The following HLF variants were observed in gnomAD, a reference collection of about 807,000 sequenced individuals.
HLF encodes the protein HLF transcription factor, PAR bZIP family member, also known as hepatic leukemia factor.
Under a neutral mutation model 22.6 loss-of-function variants are expected in HLF, and 3 were observed. The ratio of observed to expected loss-of-function variants is 0.13; its 90% CI spans 0.06 to 0.34. HLF has a LOEUF of 0.34. Ranked by LOEUF, HLF falls within the 10% of genes least tolerant of loss-of-function variation. The pLI, the probability that HLF is intolerant of heterozygous loss-of-function variation, is 1.00. For synonymous variants in HLF, 151 were observed against 151.8 expected (o/e 0.99, Z 0.04); for missense variants, 299 against 389.2 (o/e 0.77, Z 1.95).
Position 55,265,471 on chromosome 17 carries a change from T to C in HLF, c.-14T>C, listed in dbSNP as rs773596831. The C allele has an allele frequency of 6.1e-6, 9 of 1,483,510 alleles. No homozygotes were observed. The South Asian group carries it at 6.8e-5, about 11-fold the overall frequency. 91.9% of individuals were successfully genotyped at this position (1,483,510 alleles called of 1,614,324 possible). On this transcript the variant is annotated 5_prime_UTR_variant, in exon 1 of 4. Transcript: ENST00000226067. The stretch of plus-strand genomic sequence containing the variant: ...ATTTCTTTTTTTAAGGGGAAAAAAT[T>C]TGAGTGCATCGCGATGGAGAAAATG...
chr17:55,321,369 G>T lies in HLF; in HGVS notation c.*490G>T, dbSNP rs1397289115. On this transcript the variant is annotated 3_prime_UTR_variant, in exon 4 of 4. Transcript: ENST00000226067. ...AGTCCGTAAGTTACCATGCTAATGA[G>T]GTGCACACAATAACTTAGCACTACT... 4.2e-6 allele frequency: 1 copy of T among 238,170 alleles called. No homozygotes were observed. The highest frequency in any genetic ancestry group is 8.3e-6 in the Non-Finnish European group (1 of 120,678). 14.8% of individuals were successfully genotyped at this position (238,170 alleles called of 1,614,324 possible).
chr17:55,306,143 C>T lies in HLF; in HGVS notation c.452-9084C>T, dbSNP rs140403906. 5.1e-3 allele frequency among the ~76,000 whole-genome samples: 772 copies of T among 152,104 alleles called. 8 individuals carry two copies. The highest frequency in any genetic ancestry group is 0.018 in the African/African-American group (749 of 41,466). On this transcript the variant is annotated intron_variant, in intron 2 of 3. Coordinates refer to ENST00000226067, the MANE Select transcript of HLF (RefSeq NM_002126.5). ...GGCCAAGGTGGGAGCATTGTTTGAGCCCAGGAGTTCAAGGTTTCAGTGAAC... is the reference window on the plus strand; with the variant it reads ...GGCCAAGGTGGGAGCATTGTTTGAGTCCAGGAGTTCAAGGTTTCAGTGAAC...
intron 2 of HLF, among the ~76,000 whole-genome samples, chr17:55,307,145 G>A (rs966168887): frequency 2.2e-4 from 29 of 134,612 alleles, no homozygotes; most frequent in African/African-American, 8.2e-4. Context: ...CCTCTCAGCG[G>A]CCTTTTTTTT....
At chr17:55,304,635 C>T (rs568448798) in intron 2 of HLF, among the ~76,000 whole-genome samples, 3 of 152,272 alleles carry the variant, frequency 2.0e-5, no homozygotes, top group South Asian at 2.1e-4. Context: ...GATCCCAGGG[C>T]GATGTGCTGT....
chr17:55,311,209 T>C (rs1166993536), intron 2 of HLF, among the ~76,000 whole-genome samples: 1 of 152,154 alleles, frequency 6.6e-6, no homozygotes, highest in Non-Finnish European at 1.5e-5. Flanking sequence ...ACATGCAAGA[T>C]GTTCAGTGTC....
At chr17:55,289,864 A>T (rs1031781066) in intron 2 of HLF, among the ~76,000 whole-genome samples, 1 of 152,124 alleles carries the variant, frequency 6.6e-6, no homozygotes, top group Admixed American at 6.6e-5. Context: ...CCTTCCTAGC[A>T]CTTTGCATTC....
intron 2 of HLF, among the ~76,000 whole-genome samples, chr17:55,301,144 T>C (rs770566353): frequency 1.3e-5 from 2 of 152,252 alleles, no homozygotes; most frequent in Non-Finnish European, 2.9e-5. Context: ...CCTCCAAAGA[T>C]AGGGATTTGT....
In HLF at chr17:55,267,810, G is replaced by A; in HGVS notation, c.175G>A (p.Val59Ile). The A allele has an allele frequency of 6.2e-7, 1 of 1,611,324 alleles. No individual in the cohort carries two copies. The highest frequency in any genetic ancestry group is 8.5e-7 in the Non-Finnish European group (1 of 1,177,672). ...KLDDESNSPT[V>I]PQSAFLGPTL... ...GGATGATGAGAGTAACAGCCCGACG[G>A]TCCCCCAGTCGGCATTCCTGGGGCC... The change falls in exon 2 of 4, where the codon GTC becomes ATC. Residue 59 changes from valine (V) to isoleucine (I), a missense_variant. Val to Ile is a conservative substitution (Grantham distance 29). Coordinates refer to ENST00000226067, the MANE Select transcript of HLF (RefSeq NM_002126.5).
chr17:55,288,732 G>T (rs1297003555), intron 2 of HLF: 3 of 166,834 alleles, frequency 1.8e-5, no homozygotes, highest in Non-Finnish European at 3.6e-5. Context: ...CTCCAGCCTG[G>T]GCAACAGAAC....
chr17:55,270,891 C>T (rs1179832602), intron 2 of HLF, among the ~76,000 whole-genome samples: 2 of 152,098 alleles, frequency 1.3e-5, no homozygotes, highest in Non-Finnish European at 2.9e-5. Flanking sequence ...ATCCGCCCGC[C>T]TCGGCCTCCC....
At chr17:55,318,344 C>T (rs117205021) in intron 3 of HLF, among the ~76,000 whole-genome samples, 3,375 of 152,270 alleles carry the variant, frequency 0.022, 48 homozygotes, top group Non-Finnish European at 0.035. Context: ...TCCCAGCTCC[C>T]CTCCCTCCCA....
chr17:55,292,071 A>G (rs2081068037), intron 2 of HLF, among the ~76,000 whole-genome samples: 2 of 152,236 alleles, frequency 1.3e-5, no homozygotes, highest in Non-Finnish European at 2.9e-5. Context: ...TGCTTTCCTG[A>G]GATGGAATCT....
At chr17:55,265,681 A>T in intron 1 of HLF, 82 bp downstream of exon 1, 1 of 1,151,512 alleles carries the variant, frequency 8.7e-7, no homozygotes, top group Non-Finnish European at 1.2e-6. Flanking sequence ...CCGCTGGAGC[A>T]TCCCCCAACC....
chr17:55,302,913 G>T (rs1279465656), intron 2 of HLF, among the ~76,000 whole-genome samples: 1 of 152,206 alleles, frequency 6.6e-6, no homozygotes, highest in Non-Finnish European at 1.5e-5. Context: ...GAGGTAAATT[G>T]CTTAGTGGCT....
chr17:55,300,755 A>C (rs2081149599), intron 2 of HLF, among the ~76,000 whole-genome samples: 1 of 152,174 alleles, frequency 6.6e-6, no homozygotes, highest in East Asian at 1.9e-4. Flanking sequence ...AGCTCTTACC[A>C]TTCCTGGTTC....
chr17:55,283,087 G>A lies in HLF; in HGVS notation c.451+15001G>A, dbSNP rs149008032. Among the ~76,000 whole-genome samples, 7 of 151,732 alleles carry A rather than the reference G, an allele frequency of 4.6e-5. No individual in the cohort carries two copies. In the South Asian group the frequency reaches 6.3e-4, roughly 14 times the overall value. The stretch of plus-strand genomic sequence containing the variant: ...CCAACGGTTGGATTTCTTAGTGGTC[G>A]TTTACTAGCCAGACAAAATAATTTT... On this transcript the variant is annotated intron_variant, in intron 2 of 3. Transcript: ENST00000226067.
At position 55,324,443 on chromosome 17, in the gene HLF, G is replaced by A. The variant is rs76376880; in HGVS notation, c.*3564G>A. 2,300 of 231,652 alleles carry A rather than the reference G, an allele frequency of 9.9e-3. 55 individuals are homozygous for A. The highest frequency in any genetic ancestry group is 0.047 in the African/African-American group (2,148 of 45,368). 14.3% of individuals were successfully genotyped at this position (231,652 alleles called of 1,614,324 possible). On this transcript the variant is annotated 3_prime_UTR_variant, in exon 4 of 4. Transcript: ENST00000226067. ...AAGCTATTCTTTGGTTTTTCTAGTA[G>A]TTTATCTCATTTTACCCTATTCTTC...
At chr17:55,298,505 C>T (rs1567820381) in intron 2 of HLF, among the ~76,000 whole-genome samples, 1 of 152,222 alleles carries the variant, frequency 6.6e-6, no homozygotes, top group African/African-American at 2.4e-5. Context: ...CCATAGACTA[C>T]ATTAAGCAGG....
Position 55,267,487 on chromosome 17 carries a change from G to A in HLF, c.116-264G>A, listed in dbSNP as rs764283251. ...AAATAATGTGCTGAGACTGTTCTCT[G>A]GTTTTTATCCTAGATCAGCCTGTAG... On this transcript the variant is annotated intron_variant, in intron 1 of 3. Transcript: ENST00000226067. 2.8e-4 allele frequency: 106 copies of A among 384,070 alleles called. 1 individual carries two copies. Among genetic ancestry groups the A allele is most frequent in the Non-Finnish European group, 3.9e-4 (84 of 216,352 alleles). The allele number at this position is 384,070 out of a possible 1,614,324, so 23.8% of individuals were successfully genotyped here. A position where few individuals can be genotyped will look rare whatever the true frequency, so the allele number is the denominator to read the frequency against.
Sources: gnomAD v4.1 joint callset for allele counts (sites outside exome capture counted in the v4.1 genomes callset) on GRCh38, gnomAD v4.1.1 for gene constraint, MANE v1.5 for transcripts, NCBI Gene and HGNC (gene_info 2026-07-23, HGNC 2026-07-21) for gene names.